HPS1: variants seen among roughly 807,000 people sequenced by gnomAD.
HPS1 encodes HPS1 biogenesis of lysosomal organelles complex 3 subunit 1.
Under a neutral mutation model 90.6 loss-of-function variants are expected in HPS1, and 59 were observed. That is an observed-to-expected ratio of 0.65 (90% CI 0.53 to 0.81). The LOEUF is 0.81. HPS1 is among the 30% of genes least tolerant of loss of function. HPS1 has a pLI of 0.00. For synonymous variants in HPS1, 388 were observed against 384.4 expected (o/e 1.01, Z -0.11); for missense variants, 849 against 896.7 (o/e 0.95, Z 0.68).
In HPS1 at chr10:98,425,906, T is replaced by C; in HGVS notation, c.1067A>G (p.Asn356Ser). ...TAGGGGGCAGTAGCTTTCCTTCACG[T>C]TGGCATCCAGGAAGATCCTTCTGGG... ...SGPRRIFLDA[N>S]VKESYCPLVP... is the part of the protein sequence containing the mutation. Residue 356 changes from asparagine to serine, a missense_variant, in exon 12 of 20, where the codon AAC becomes AGC. Transcript: ENST00000361490. 2 of 1,614,126 alleles carry C rather than the reference T, an allele frequency of 1.2e-6. No homozygotes were observed. The highest frequency in any genetic ancestry group is 1.7e-6 in the Non-Finnish European group (2 of 1,180,004).
At chr10:98,429,490 CA>C in intron 10 of HPS1, 82 bp downstream of exon 10, 4 of 1,609,598 alleles carry the variant, frequency 2.5e-6, no homozygotes, top group Non-Finnish European at 3.4e-6. Context: ...CACGGGGGTC[CA>C]CTGGAGCCTA....
chr10:98,440,572 T>C (rs895893096), intron 3 of HPS1, among the ~76,000 whole-genome samples: 1 of 151,932 alleles, frequency 6.6e-6, no homozygotes, highest in Admixed American at 6.6e-5. Flanking sequence ...CCCAATTATA[T>C]AGAAAAAATA....
intron 3 of HPS1, among the ~76,000 whole-genome samples, chr10:98,440,508 T>C (rs1448778810): frequency 6.6e-6 from 1 of 151,974 alleles, no homozygotes; most frequent in Admixed American, 6.5e-5. Context: ...AATATCTTGA[T>C]ATAATGGCAA....
intron 10 of HPS1, chr10:98,429,311 C>T: frequency 7.1e-7 from 1 of 1,402,336 alleles, no homozygotes; most frequent in South Asian, 1.5e-5. Context: ...TCTGAGAATG[C>T]ATGTACAGAA....
rs1801286 is a variant in HPS1 at position 98,431,242 on chromosome 10, G to A, written c.557C>T (p.Ala186Val). The A allele has an allele frequency of 2.7e-3, 4,296 of 1,613,940 alleles. 74 individuals are homozygous for A. In the South Asian group the frequency reaches 0.027, roughly 10 times the overall value. Residue 186 changes from alanine (A) to valine (V), a missense_variant, in exon 7 of 20, where the codon GCG becomes GTG. Transcript: ENST00000361490. ...HPQLCELCIE[A>V]LERHVIQAVN... ...AGCCTGGATGACGTGCCGCTCCAGC[G>A]CCTCTATGCACAGCTCACAGAGCTG...
rs1846147269 is a variant in HPS1, at chr10:98,429,808, C to T, written c.850G>A (p.Gly284Arg). The T allele has an allele frequency of 3.1e-6, 5 of 1,613,844 alleles. No individual in the cohort carries two copies. Among genetic ancestry groups the T allele is most frequent in the Non-Finnish European group, 4.2e-6 (5 of 1,180,020 alleles). ...WSPHSTGPTG[G>R]SSAETETDSF... ...GCACACACCGTCTCTGCAGAGCTCCCCCCAGTTGGGCCCGTGGAGTGAGGG... is the reference window on the plus strand; with the variant it reads ...GCACACACCGTCTCTGCAGAGCTCCTCCCAGTTGGGCCCGTGGAGTGAGGG... The change falls in exon 9 of 20, where the codon GGG becomes AGG. Residue 284 changes from glycine to arginine, a missense_variant. Coordinates refer to ENST00000361490, the MANE Select transcript of HPS1 (RefSeq NM_000195.5).
rs772606552 is a variant in HPS1, at chr10:98,417,619, T to A, written c.2048A>T (p.Gln683Leu). 6.2e-7 allele frequency: 1 copy of A among 1,613,144 alleles called. No individual in the cohort carries two copies. The highest frequency in any genetic ancestry group is 8.5e-7 in the Non-Finnish European group (1 of 1,179,816). ...GAGGCGCCGGGCCAGCTGGCCGGCC[T>A]GCTGCACCAGCAGGTCAGTGGGGAT... ...SVIPTDLLVQQAGQLARRLWE... is the reference protein window; with the variant it reads ...SVIPTDLLVQLAGQLARRLWE... Residue 683 changes from glutamine to leucine, a missense_variant, in exon 20 of 20, where the codon CAG becomes CTG. Transcript: ENST00000361490. This position sits in a 1 kb window ranked among gnomAD's most constrained non-coding sequence, Gnocchi z 4.2.
At chr10:98,431,418 CAG>C (rs750327780) in intron 6 of HPS1, 127 bp from the exon 7 acceptor site, 39 of 1,043,154 alleles carry the variant, frequency 3.7e-5, no homozygotes, top group Non-Finnish European at 4.9e-5. Context: ...TACTTGGAAA[CAG>C]GGGGACTAAG....
At position 98,420,731 on chromosome 10, in the gene HPS1, TA is replaced by T. The variant is rs1252355086; in HGVS notation, c.1744-574del. Among the ~76,000 whole-genome samples the T allele has an allele frequency of 8.6e-3, 1,283 of 149,082 alleles. 17 individuals carry two copies. Among genetic ancestry groups the T allele is most frequent in the African/African-American group, 0.028 (1,151 of 40,548 alleles). On this transcript the variant is annotated intron_variant, in intron 17 of 19. Transcript: ENST00000361490. ...ACCCTGTCTCAAAAAATAATAATATTAAAAAAAAAATAAATTAGTGAAATGA... is the reference window on the plus strand; with the variant it reads ...ACCCTGTCTCAAAAAATAATAATATTAAAAAAAAATAAATTAGTGAAATGA...
intron 3 of HPS1, among the ~76,000 whole-genome samples, chr10:98,436,626 G>C (rs1024572930): frequency 6.6e-6 from 1 of 152,196 alleles, no homozygotes; most frequent in Admixed American, 6.5e-5. Context: ...AAAGGAACTG[G>C]ACAAGTTTGT....
At chr10:98,438,752 G>T (rs929856321) in intron 3 of HPS1, among the ~76,000 whole-genome samples, 103 of 152,346 alleles carry the variant, frequency 6.8e-4, no homozygotes, top group African/African-American at 2.4e-3. Flanking sequence ...CCTGGCTGCA[G>T]AAATTTGCAT....
intron 10 of HPS1, among the ~76,000 whole-genome samples, chr10:98,428,548 G>A (rs1845910682): frequency 6.6e-6 from 1 of 152,198 alleles, no homozygotes. Flanking sequence ...TGGGCTGGCT[G>A]AAGCTGCCTG....
chr10:98,415,072 G>T, downstream of HPS1: 2 of 1,613,816 alleles, frequency 1.2e-6, no homozygotes, highest in Non-Finnish European at 1.7e-6. Context: ...GTGTTATCTC[G>T]TCTCCACGCC....
At chr10:98,427,983 A>G (rs1361356299) in intron 10 of HPS1, among the ~76,000 whole-genome samples, 1 of 152,188 alleles carries the variant, frequency 6.6e-6, no homozygotes, top group East Asian at 1.9e-4. Context: ...ATTATTTTTT[A>G]CAGTTTTAAG....
intron 16 of HPS1, 67 bp downstream of exon 16, chr10:98,423,536 G>T: frequency 7.0e-7 from 1 of 1,428,898 alleles, no homozygotes. Context: ...TCCCTCCAGG[G>T]AGCAGGTGTA....
chr10:98,444,638 G>A (rs1196943538), intron 2 of HPS1, among the ~76,000 whole-genome samples: 1 of 152,254 alleles, frequency 6.6e-6, no homozygotes, highest in Admixed American at 6.5e-5. Flanking sequence ...CAGGTCTTGT[G>A]TTCCGTCATC....
At chr10:98,444,261 C>G (rs1406614116) in intron 2 of HPS1, among the ~76,000 whole-genome samples, 1 of 152,102 alleles carries the variant, frequency 6.6e-6, no homozygotes, top group East Asian at 1.9e-4. Flanking sequence ...TTCCCCACCC[C>G]CCCGCCACAC....
Position 98,434,077 on chromosome 10 carries a change from T to C in HPS1, c.413A>G (p.Asp138Gly). The C allele has an allele frequency of 1.3e-6, 2 of 1,550,184 alleles. No homozygotes were observed. The highest frequency in any genetic ancestry group is 2.4e-5 in the South Asian group (2 of 84,044). Residue 138 changes from aspartate (D) to glycine (G), a missense_variant, in exon 6 of 20, where the codon GAC (aspartate) becomes GGC (glycine). Asp to Gly is a moderately conservative substitution (Grantham distance 94, BLOSUM62 -1). Transcript: ENST00000361490. The part of the protein sequence containing the change: ...HLIRKELRPP[D>G]LAQRVQLWEH... ...CCACAGCTGGACACGCTGCGCCAGGTCTGGGGGCCGCAGCCTGGGGGCAGA... is the reference window on the plus strand; with the variant it reads ...CCACAGCTGGACACGCTGCGCCAGGCCTGGGGGCCGCAGCCTGGGGGCAGA...
intron 18 of HPS1, among the ~76,000 whole-genome samples, chr10:98,419,343 A>T (rs1844544180): frequency 6.6e-6 from 1 of 152,160 alleles, no homozygotes; most frequent in African/African-American, 2.4e-5. Context: ...TATGGTGACA[A>T]GCGAGATGCA....
Sources: gnomAD v4.1 joint callset for allele counts (sites outside exome capture counted in the v4.1 genomes callset) on GRCh38, gnomAD v4.1.1 for gene constraint, Gnocchi (gnomAD v3.1) non-coding constraint, MANE v1.5 for transcripts, NCBI Gene and HGNC (gene_info 2026-07-23, HGNC 2026-07-21) for gene names.